Variants in CFAP221 observed in about 807,000 individuals in gnomAD.
CFAP221 encodes the protein cilia and flagella associated protein 221.
CFAP221 carries 97 observed loss-of-function variants against 113.1 expected under a neutral mutation model. The ratio of observed to expected loss-of-function variants is 0.86; its 90% CI spans 0.73 to 1.02. The LOEUF (loss-of-function observed/expected upper bound fraction) is 1.02. CFAP221 is among the 50% of genes least tolerant of loss of function. The pLI, the probability that CFAP221 is intolerant of heterozygous loss-of-function variation, is 0.00. For synonymous variants in CFAP221, 331 were observed against 354.4 expected (o/e 0.93, Z 0.74); for missense variants, 1,025 against 1,013.4 (o/e 1.01, Z -0.16).
intron 21 of CFAP221, among the ~76,000 whole-genome samples, chr2:119,645,561 C>T (rs1285361037): frequency 6.6e-6 from 1 of 151,716 alleles, no homozygotes; most frequent in African/African-American, 2.4e-5. Flanking sequence ...CATTCTCTTC[C>T]CATTAGTCAA....
At chr2:119,629,787 C>T (rs1686636015) in intron 16 of CFAP221, 88 bp from the exon 17 acceptor site, 3 of 1,079,094 alleles carry the variant, frequency 2.8e-6, no homozygotes, top group Admixed American at 4.0e-5. Flanking sequence ...GAACTGGTCA[C>T]TAATGTTTCA....
At chr2:119,550,730 C>G (rs746942701) in intron 3 of CFAP221, among the ~76,000 whole-genome samples, 1 of 152,236 alleles carries the variant, frequency 6.6e-6, no homozygotes, top group African/African-American at 2.4e-5. Context: ...TCTTTTCTTA[C>G]TGCTTTATTG....
chr2:119,563,761 T>C (rs190940192), intron 6 of CFAP221, among the ~76,000 whole-genome samples: 86 of 152,326 alleles, frequency 5.6e-4, no homozygotes, highest in Admixed American at 4.4e-3. Flanking sequence ...CAGAGTCTAA[T>C]GGGGATAGGA....
intron 11 of CFAP221, among the ~76,000 whole-genome samples, chr2:119,608,187 AT>A (rs902290640): frequency 1.3e-5 from 2 of 152,144 alleles, no homozygotes; most frequent in Admixed American, 6.5e-5. Context: ...TATTATCATC[AT>A]CATCATAGCC....
chr2:119,603,508 A>G (rs140581315), intron 8 of CFAP221, among the ~76,000 whole-genome samples: 33 of 152,352 alleles, frequency 2.2e-4, no homozygotes, highest in African/African-American at 7.2e-4. Context: ...GGTTGCTAAC[A>G]TAAGTTCCAT....
At chr2:119,640,686 A>C (rs1687430603) in intron 21 of CFAP221, among the ~76,000 whole-genome samples, 1 of 152,222 alleles carries the variant, frequency 6.6e-6, no homozygotes, top group African/African-American at 2.4e-5. Context: ...GCCCACCCCA[A>C]GGTGGCAGAG....
intron 12 of CFAP221, among the ~76,000 whole-genome samples, chr2:119,609,312 A>T (rs1346033196): frequency 6.6e-6 from 1 of 152,224 alleles, no homozygotes; most frequent in Admixed American, 6.5e-5. Context: ...GACTTGCAGA[A>T]TGATCACATA....
chr2:119,555,768 C>G (rs547267524), intron 3 of CFAP221, among the ~76,000 whole-genome samples: 2 of 152,280 alleles, frequency 1.3e-5, no homozygotes, highest in South Asian at 4.1e-4. Flanking sequence ...ATGGACAGTA[C>G]CAGGTCACTG....
intron 3 of CFAP221, 54 bp from the exon 4 acceptor site, chr2:119,559,635 G>A: frequency 1.5e-6 from 2 of 1,366,086 alleles, no homozygotes; most frequent in Non-Finnish European, 2.0e-6. Context: ...TAAATGAGGT[G>A]AGTATGCAAA....
chr2:119,651,167 C>T (rs1188969104), intron 22 of CFAP221, among the ~76,000 whole-genome samples: 1 of 152,196 alleles, frequency 6.6e-6, no homozygotes, highest in Non-Finnish European at 1.5e-5. Context: ...GTCTCCTGCA[C>T]ACCATCCCTC....
rs183561054 is a variant in CFAP221 at position 119,604,717 on chromosome 2, C to A, written c.837C>A (p.Asn279Lys). Residue 279 changes from asparagine (N) to lysine (K), a missense_variant, in exon 9 of 24, where the codon AAC becomes AAA. Physicochemically the swap from Asn to Lys is moderately conservative, Grantham distance 94. Coordinates refer to ENST00000413369, the MANE Select transcript of CFAP221 (RefSeq NM_001271049.2). ...ERLNTLSKKV[N>K]VPPEKAMMHI... The stretch of plus-strand genomic sequence containing the variant: ...TGAATACCCTTTCTAAGAAAGTAAA[C>A]GTTCCTCCAGAAAAAGCAATGATGC... The A allele has an allele frequency of 1.1e-4, 176 of 1,551,056 alleles. No individual in the cohort carries two copies. The African/African-American group carries it at 2.3e-3, about 20-fold the overall frequency.
intron 11 of CFAP221, among the ~76,000 whole-genome samples, chr2:119,606,475 G>T (rs2104682613): frequency 6.6e-6 from 1 of 152,212 alleles, no homozygotes; most frequent in African/African-American, 2.4e-5. Context: ...GTTTCCATCA[G>T]AAATCCCTTC....
chr2:119,635,645 C>G (rs1687067196), intron 19 of CFAP221, among the ~76,000 whole-genome samples: 1 of 152,108 alleles, frequency 6.6e-6, no homozygotes, highest in Admixed American at 6.5e-5. Context: ...AATGTTATAT[C>G]AAACTATGTA....
Position 119,601,226 on chromosome 2 carries a change from C to G in CFAP221, c.640C>G (p.Pro214Ala), listed in dbSNP as rs1313796228. 2.0e-6 allele frequency: 3 copies of G among 1,520,592 alleles called. No individual in the cohort carries two copies. The South Asian group carries it at 3.6e-5, about 18-fold the overall frequency. 94.2% of individuals were successfully genotyped at this position (1,520,592 alleles called of 1,614,324 possible). Residue 214 changes from proline (P) to alanine (A), a missense_variant, in exon 8 of 24, where the codon CCG (proline) becomes GCG (alanine). By Grantham distance (27) the Pro-to-Ala change is conservative. Transcript: ENST00000413369. Reference sequence around the variant, plus strand: ...CATTTCTTTCCTCTCAGGAATAATTCCGGCTAATGGGAAGATGACTGTGAC... The same window carrying G: ...CATTTCTTTCCTCTCAGGAATAATTGCGGCTAATGGGAAGATGACTGTGAC... ...FAIEPTSGII[P>A]ANGKMTVTIK... is the part of the protein sequence containing the mutation.
chr2:119,641,709 C>T (rs1687499663), intron 21 of CFAP221, among the ~76,000 whole-genome samples: 1 of 152,178 alleles, frequency 6.6e-6, no homozygotes. Context: ...CACTTCTACC[C>T]TCCTTCCCCG....
At position 119,638,348 on chromosome 2, in the gene CFAP221, C is replaced by T. The variant is rs376038177; in HGVS notation, c.2064C>T (p.Tyr688=). The T allele has an allele frequency of 3.1e-6, 5 of 1,614,154 alleles. No individual in the cohort carries two copies. The African/African-American group carries it at 5.3e-5, about 17-fold the overall frequency. The part of the protein sequence containing the change: ...IDYHLCSHPK[Y]KFTKESRHGS... Reference sequence around the variant, plus strand: ...ACCATCTATGCTCTCACCCCAAGTACAAATTCACCAAAGAGTCCCGCCACG... The same window carrying T: ...ACCATCTATGCTCTCACCCCAAGTATAAATTCACCAAAGAGTCCCGCCACG... The change falls in exon 20 of 24, where the codon TAC becomes TAT. Residue 688 remains tyrosine (Y), a synonymous_variant. Transcript: ENST00000413369.
chr2:119,609,304 C>A (rs1684988273), intron 12 of CFAP221, among the ~76,000 whole-genome samples: 1 of 152,176 alleles, frequency 6.6e-6, no homozygotes, highest in Admixed American at 6.5e-5. Context: ...ATTGGTAGGA[C>A]TTGCAGAATG....
At chr2:119,568,882 C>G (rs183468859) in intron 6 of CFAP221, among the ~76,000 whole-genome samples, 7 of 152,258 alleles carry the variant, frequency 4.6e-5, no homozygotes, top group African/African-American at 1.7e-4. Flanking sequence ...TCTCGCAAGG[C>G]AGGTCCACTG....
chr2:119,564,071 G>A (rs1047618632), intron 6 of CFAP221, among the ~76,000 whole-genome samples: 3 of 152,160 alleles, frequency 2.0e-5, no homozygotes, highest in Non-Finnish European at 4.4e-5. Flanking sequence ...GGGAAGCAAG[G>A]CCTAAAGAGC....
Sources: gnomAD v4.1 joint callset for allele counts (sites outside exome capture counted in the v4.1 genomes callset) on GRCh38, gnomAD v4.1.1 for gene constraint, MANE v1.5 for transcripts, NCBI Gene and HGNC (gene_info 2026-07-23, HGNC 2026-07-21) for gene names.